Variants in PARM1 observed in about 807,000 individuals in gnomAD.
PARM1 encodes the protein prostate androgen-regulated mucin-like protein 1.
PARM1 carries 14 observed loss-of-function variants against 24.6 expected under a neutral mutation model. The observed-to-expected ratio is 0.57, with a 90% CI of 0.38 to 0.89. The LOEUF (loss-of-function observed/expected upper bound fraction) is 0.89. Ranked by LOEUF, PARM1 falls within the 40% of genes least tolerant of loss-of-function variation. The probability of loss-of-function intolerance (pLI) is 0.00; values close to 1 mark genes in which losing one functional copy is unlikely to be tolerated. For missense variants in PARM1, 362 were observed against 380.4 expected (o/e 0.95, Z 0.40); for synonymous variants, 179 against 156.6 (o/e 1.14, Z -1.07).
At chr4:75,028,412 G>C (rs978961397) in intron 2 of PARM1, among the ~76,000 whole-genome samples, 1 of 152,180 alleles carries the variant, frequency 6.6e-6, no homozygotes, top group Non-Finnish European at 1.5e-5. Context: ...CTTTCCTCTT[G>C]GTGACCTTGA....
intron 1 of PARM1, among the ~76,000 whole-genome samples, chr4:74,964,947 G>A (rs554660291): frequency 6.6e-6 from 1 of 152,286 alleles, no homozygotes; most frequent in South Asian, 2.1e-4. Context: ...CCAAGAGCTA[G>A]AAAGAGACTG....
chr4:75,040,081 T>C (rs1438696270), intron 3 of PARM1, among the ~76,000 whole-genome samples: 3 of 152,188 alleles, frequency 2.0e-5, no homozygotes, highest in African/African-American at 4.8e-5. Context: ...TGACGTATAG[T>C]AGTTGCTTAA....
chr4:75,001,014 T>C (rs1212673353), intron 1 of PARM1, among the ~76,000 whole-genome samples: 1 of 152,238 alleles, frequency 6.6e-6, no homozygotes, highest in Non-Finnish European at 1.5e-5. Context: ...TCTAACTGTG[T>C]ATCTTGGGAT....
At chr4:74,954,118 T>C (rs910285756) in intron 1 of PARM1, among the ~76,000 whole-genome samples, 2 of 152,224 alleles carry the variant, frequency 1.3e-5, no homozygotes, top group Non-Finnish European at 2.9e-5. Flanking sequence ...ATTAAGTTAC[T>C]GAGAAGAGAA....
chr4:74,976,856 T>G (rs115094203), intron 1 of PARM1, among the ~76,000 whole-genome samples: 1,649 of 152,160 alleles, frequency 0.011, 37 homozygotes, highest in African/African-American at 0.038. Flanking sequence ...CACAGCAGCC[T>G]TACAGAAGAG....
At chr4:74,965,717 G>A (rs1721888549) in intron 1 of PARM1, among the ~76,000 whole-genome samples, 1 of 152,118 alleles carries the variant, frequency 6.6e-6, no homozygotes, top group Non-Finnish European at 1.5e-5. Context: ...AAAAATCATG[G>A]CCCATCTAAT....
intron 1 of PARM1, among the ~76,000 whole-genome samples, chr4:74,972,986 G>A (rs1194376181): frequency 1.3e-5 from 2 of 152,080 alleles, no homozygotes; most frequent in Non-Finnish European, 2.9e-5. Context: ...GTGATGTTTA[G>A]ATCTCTGAGC....
intron 1 of PARM1, among the ~76,000 whole-genome samples, chr4:75,001,200 A>G (rs1469599039): frequency 6.6e-6 from 1 of 152,222 alleles, no homozygotes; most frequent in Admixed American, 6.5e-5. Context: ...CTTTGTTTGT[A>G]ATAACCCTGA....
At chr4:75,042,766 C>G (rs1336561271) in intron 3 of PARM1, among the ~76,000 whole-genome samples, 2 of 152,020 alleles carry the variant, frequency 1.3e-5, no homozygotes, top group Non-Finnish European at 2.9e-5. Context: ...ACAATAGTAT[C>G]CAATTTGTCC....
In PARM1 at chr4:75,000,169, A is replaced by G. The variant is rs139065463; in HGVS notation, c.44-12256A>G. Among the ~76,000 whole-genome samples the G allele has an allele frequency of 7.7e-4, 117 of 152,292 alleles. 1 individual carries two copies. Among genetic ancestry groups the G allele is most frequent in the African/African-American group, 2.7e-3 (113 of 41,556 alleles). On this transcript the variant is annotated intron_variant, in intron 1 of 3. Transcript: ENST00000307428. Reference sequence around the variant, plus strand: ...TAGCGGCTGCAAAGCACTTTTAGAAAATCATTAGCAGTTACAAGAGTTGAG... The same window carrying G: ...TAGCGGCTGCAAAGCACTTTTAGAAGATCATTAGCAGTTACAAGAGTTGAG...
intron 3 of PARM1, among the ~76,000 whole-genome samples, chr4:75,041,033 G>T (rs189536133): frequency 1.8e-4 from 28 of 152,138 alleles, no homozygotes; most frequent in African/African-American, 6.0e-4. Flanking sequence ...TTTCTCCATG[G>T]ACTTAGTAAC....
At chr4:74,938,822 G>A (rs1721244350) in intron 1 of PARM1, among the ~76,000 whole-genome samples, 1 of 152,112 alleles carries the variant, frequency 6.6e-6, no homozygotes, top group Non-Finnish European at 1.5e-5. Flanking sequence ...TGGGAACTTT[G>A]CCATTGTGTA....
intron 2 of PARM1, among the ~76,000 whole-genome samples, chr4:75,030,647 A>C (rs1384770291): frequency 6.6e-6 from 1 of 152,204 alleles, no homozygotes; most frequent in Non-Finnish European, 1.5e-5. Flanking sequence ...ATTATAAAAT[A>C]TATAGATAAG....
At chr4:75,016,072 A>G (rs1319307458) in intron 2 of PARM1, among the ~76,000 whole-genome samples, 2 of 152,236 alleles carry the variant, frequency 1.3e-5, no homozygotes, top group East Asian at 1.9e-4. Context: ...ACAGTCACCA[A>G]TGAATAATTC....
intron 1 of PARM1, among the ~76,000 whole-genome samples, chr4:74,976,829 G>A (rs529493911): frequency 6.6e-6 from 1 of 152,278 alleles, no homozygotes; most frequent in South Asian, 2.1e-4. Context: ...AGGGTCTGGA[G>A]TGGACCCCCA....
At chr4:74,983,209 G>A (rs1722291630) in intron 1 of PARM1, among the ~76,000 whole-genome samples, 2 of 152,182 alleles carry the variant, frequency 1.3e-5, no homozygotes, top group Admixed American at 6.5e-5. Context: ...ATCTCAGTAG[G>A]TAGTAGATTG....
At chr4:75,028,359 A>G (rs1469045835) in intron 2 of PARM1, among the ~76,000 whole-genome samples, 1 of 152,198 alleles carries the variant, frequency 6.6e-6, no homozygotes, top group African/African-American at 2.4e-5. Context: ...ATCCACAGAT[A>G]CATGCTTTTA....
intron 1 of PARM1, among the ~76,000 whole-genome samples, chr4:74,942,993 A>G (rs981495211): frequency 3.9e-5 from 6 of 152,192 alleles, no homozygotes; most frequent in Non-Finnish European, 8.8e-5. Flanking sequence ...CACCAGCCAC[A>G]GGACTACCAG....
intron 1 of PARM1, among the ~76,000 whole-genome samples, chr4:74,952,754 A>T (rs1229726816): frequency 6.6e-6 from 1 of 152,228 alleles, no homozygotes. Flanking sequence ...TGAAAAACAT[A>T]GAAAATGTGA....
Sources: gnomAD v4.1 joint callset for allele counts (sites outside exome capture counted in the v4.1 genomes callset) on GRCh38, gnomAD v4.1.1 for gene constraint, MANE v1.5 for transcripts, NCBI Gene and HGNC (gene_info 2026-07-23, HGNC 2026-07-21) for gene names.